Variants in IL15 observed in about 807,000 individuals in gnomAD.
IL15 encodes interleukin 15, also known as interleukin-15.
Under a neutral mutation model 19.6 loss-of-function variants are expected in IL15, and 11 were observed. The ratio of observed to expected loss-of-function variants is 0.56; its 90% CI spans 0.35 to 0.93. The LOEUF (loss-of-function observed/expected upper bound fraction) is 0.93, where lower values mean the gene tolerates loss of function less well. IL15 is among the 40% of genes least tolerant of loss of function. The pLI, the probability that IL15 is intolerant of heterozygous loss-of-function variation, is 0.01. For missense variants in IL15, 197 were observed against 186.5 expected, an observed-to-expected ratio of 1.06 and a Z score of -0.33; for synonymous variants, 58 against 59.6, an observed-to-expected ratio of 0.97 and a Z score of 0.12.
intron 1 of IL15, among the ~76,000 whole-genome samples, chr4:141,642,055 A>G (rs1166678009): frequency 6.6e-6 from 1 of 152,110 alleles, no homozygotes. Context: ...TGAAAAAAAA[A>G]CTAAAACAAT....
intron 2 of IL15, among the ~76,000 whole-genome samples, chr4:141,673,834 G>GT (rs1417208750): frequency 6.6e-6 from 1 of 151,988 alleles, no homozygotes; most frequent in African/African-American, 2.4e-5. Flanking sequence ...AAACATTCTA[G>GT]TTTTTTATAC....
chr4:141,700,338 T>G (rs990259811), intron 2 of IL15, among the ~76,000 whole-genome samples: 3 of 152,174 alleles, frequency 2.0e-5, no homozygotes, highest in African/African-American at 7.2e-5. Context: ...CCCTCAGTGT[T>G]TGTTTGTCTG....
At chr4:141,638,415 C>A (rs1726932007) in intron 1 of IL15, among the ~76,000 whole-genome samples, 1 of 152,170 alleles carries the variant, frequency 6.6e-6, no homozygotes, top group Non-Finnish European at 1.5e-5. Context: ...AGAGAAGGGT[C>A]AGTTGACCAT....
In IL15 at chr4:141,719,409, C is replaced by G; in HGVS notation, c.-56C>G. 1.3e-6 allele frequency: 1 copy of G among 772,334 alleles called. No individual in the cohort carries two copies. The highest frequency in any genetic ancestry group is 1.5e-5 in the South Asian group (1 of 67,562). 47.8% of individuals were successfully genotyped at this position (772,334 alleles called of 1,614,324 possible). On this transcript the variant is annotated 5_prime_UTR_variant, in exon 3 of 8. Coordinates refer to ENST00000320650, the MANE Select transcript of IL15 (RefSeq NM_000585.5). ...TTGTGGATGGATGGCTGCTGGAAACCCCTTGCCATAGCCAGCTCTTCTTCA... is the reference window on the plus strand; with the variant it reads ...TTGTGGATGGATGGCTGCTGGAAACGCCTTGCCATAGCCAGCTCTTCTTCA...
At chr4:141,710,059 C>A (rs77768434) in intron 2 of IL15, among the ~76,000 whole-genome samples, 1 of 152,138 alleles carries the variant, frequency 6.6e-6, no homozygotes, top group African/African-American at 2.4e-5. Context: ...CCAGCTGCAT[C>A]CAAGCTGCTG....
chr4:141,662,684 T>C lies in IL15; in HGVS notation c.-100+6377T>C, dbSNP rs572208900. On this transcript the variant is annotated intron_variant, in intron 2 of 7. Coordinates refer to ENST00000320650, the MANE Select transcript of IL15 (RefSeq NM_000585.5). ...CATTTTTATTTAATGTAATTACCGA[T>C]GTATTTGTGTTTGTATTCATCAACC... Among the ~76,000 whole-genome samples the C allele has an allele frequency of 1.6e-3, 244 of 152,352 alleles. 2 individuals carry two copies. The highest frequency in any genetic ancestry group is 5.7e-3 in the African/African-American group (236 of 41,594).
At chr4:141,701,850 C>T (rs1004354609) in intron 2 of IL15, among the ~76,000 whole-genome samples, 5 of 152,180 alleles carry the variant, frequency 3.3e-5, no homozygotes, top group Admixed American at 6.5e-5. Flanking sequence ...TCAGATCATA[C>T]GGGCACCTCT....
intron 2 of IL15, among the ~76,000 whole-genome samples, chr4:141,699,657 T>G (rs186505304): frequency 1.2e-3 from 189 of 152,308 alleles, no homozygotes; most frequent in Middle Eastern, 0.01. Context: ...CTCTTGTTTT[T>G]TGTTTCCACT....
In IL15 at chr4:141,732,961, C is replaced by T. The variant is rs1730501442; in HGVS notation, c.*113C>T. ...GTGCTGTCAAAACAAGTTTTTCTGT[C>T]AAGAAGATGATCAGACCTTGGATCA... On this transcript the variant is annotated 3_prime_UTR_variant, in exon 8 of 8. Transcript: ENST00000320650. The T allele has an allele frequency of 1.4e-6, 2 of 1,450,760 alleles. No homozygotes were observed. The highest frequency in any genetic ancestry group is 2.5e-5 in the East Asian group (1 of 39,812). The allele number at this position is 1,450,760 out of a possible 1,614,324, so 89.9% of individuals were successfully genotyped here. A position where few individuals can be genotyped will look rare whatever the true frequency, so the allele number is the denominator to read the frequency against.
At chr4:141,704,483 A>G (rs950440773) in intron 2 of IL15, 1 of 192,406 alleles carries the variant, frequency 5.2e-6, no homozygotes. Context: ...TATATTCCTC[A>G]TCAATATTGA....
At chr4:141,725,413 T>C (rs73851522) in intron 5 of IL15, among the ~76,000 whole-genome samples, 4,082 of 152,128 alleles carry the variant, frequency 0.027, 185 homozygotes, top group African/African-American at 0.092. Flanking sequence ...TACACAGAGA[T>C]AGAAAACCAT....
intron 1 of IL15, among the ~76,000 whole-genome samples, chr4:141,645,206 C>A (rs1727186595): frequency 6.6e-6 from 1 of 152,072 alleles, no homozygotes; most frequent in African/African-American, 2.4e-5. Context: ...CCAGAAAATC[C>A]TTGAGACAAG....
intron 2 of IL15, among the ~76,000 whole-genome samples, chr4:141,699,925 T>G (rs1729228584): frequency 6.6e-6 from 1 of 152,120 alleles, no homozygotes; most frequent in Admixed American, 6.6e-5. Flanking sequence ...TGAGATTTAT[T>G]TATTTATTTT....
At chr4:141,671,438 A>G (rs1728172265) in intron 2 of IL15, among the ~76,000 whole-genome samples, 1 of 152,208 alleles carries the variant, frequency 6.6e-6, no homozygotes, top group Admixed American at 6.5e-5. Context: ...TAAATTAGTT[A>G]TGTGTTGTGT....
At chr4:141,678,895 C>T (rs185276708) in intron 2 of IL15, among the ~76,000 whole-genome samples, 45 of 152,244 alleles carry the variant, frequency 3.0e-4, no homozygotes, top group African/African-American at 8.2e-4. Flanking sequence ...CCACCACGCC[C>T]GGCCTCATTG....
chr4:141,685,802 C>T (rs1362451321), intron 2 of IL15, among the ~76,000 whole-genome samples: 1 of 152,208 alleles, frequency 6.6e-6, no homozygotes, highest in Non-Finnish European at 1.5e-5. Flanking sequence ...TAATCACAAT[C>T]TTCCACTTGG....
At chr4:141,676,225 C>T (rs1728336837) in intron 2 of IL15, among the ~76,000 whole-genome samples, 1 of 152,186 alleles carries the variant, frequency 6.6e-6, no homozygotes, top group East Asian at 1.9e-4. Flanking sequence ...ATGATCAACA[C>T]CGCCCTCATC....
intron 4 of IL15, 162 bp from the exon 5 acceptor site, chr4:141,721,762 A>T: frequency 3.0e-6 from 2 of 655,888 alleles, no homozygotes; most frequent in Non-Finnish European, 5.2e-6. Flanking sequence ...TATATGCTCA[A>T]TGTTTATGTT....
At chr4:141,647,627 A>G (rs1227987944) in intron 1 of IL15, among the ~76,000 whole-genome samples, 3 of 152,026 alleles carry the variant, frequency 2.0e-5, no homozygotes, top group Non-Finnish European at 4.4e-5. Context: ...CAGGTCTTCA[A>G]AAGAGAAGGC....
Sources: allele counts gnomAD v4.1 joint callset (sites outside exome capture counted in the v4.1 genomes callset), GRCh38; gene constraint gnomAD v4.1.1; transcripts MANE v1.5; gene names NCBI Gene and HGNC (gene_info 2026-07-23, HGNC 2026-07-21).